ENTREP1: variants seen among roughly 807,000 people sequenced by gnomAD.
The protein encoded by ENTREP1 is Friedreich ataxia region gene X123.
the ENTREP1 span, among the ~76,000 whole-genome samples, chr9:69,368,095 G>C: frequency 6.6e-6 from 1 of 151,614 alleles, no homozygotes; most frequent in Non-Finnish European, 1.5e-5. Context: ...AGTCTTTTGG[G>C]GGAGTCTTTA....
At chr9:69,388,471 A>G in the ENTREP1 span, 1 of 1,542,932 alleles carries the variant, frequency 6.5e-7, no homozygotes, top group Admixed American at 1.9e-5. Context: ...TATTAATCTC[A>G]GGCATGAATC....
At chr9:69,388,511 G>A in the ENTREP1 span, 3 of 1,307,848 alleles carry the variant, frequency 2.3e-6, no homozygotes, top group Non-Finnish European at 3.1e-6. Flanking sequence ...CAGCTAAAGT[G>A]GCTTCTCCGC....
the ENTREP1 span, chr9:69,325,198 C>A: frequency 3.9e-6 from 4 of 1,027,106 alleles, no homozygotes; most frequent in African/African-American, 6.9e-5. Context: ...TCCCCCTCGG[C>A]CTCGGAGCCC....
the ENTREP1 span, among the ~76,000 whole-genome samples, chr9:69,367,198 C>G: frequency 4.0e-5 from 6 of 149,246 alleles, no homozygotes; most frequent in African/African-American, 1.5e-4. Flanking sequence ...TCCTAAGGTG[C>G]TGGGATTACA....
the ENTREP1 span, chr9:69,325,123 C>T: frequency 1.0e-6 from 1 of 985,382 alleles, no homozygotes; most frequent in Middle Eastern, 5.2e-4. Context: ...GTGGGTGCGG[C>T]CGGCTGGAGC....
the ENTREP1 span, chr9:69,325,793 A>G: frequency 2.2e-5 from 27 of 1,211,144 alleles, no homozygotes; most frequent in Middle Eastern, 3.2e-4. Context: ...GTTCCTCTCC[A>G]TTGCCCCTTT....
chr9:69,386,148 G>T, the ENTREP1 span: 2 of 422,722 alleles, frequency 4.7e-6, no homozygotes, highest in Non-Finnish European at 3.9e-6. Flanking sequence ...GGATGGTAGG[G>T]TTTTTTTGTT....
the ENTREP1 span, among the ~76,000 whole-genome samples, chr9:69,376,120 A>G: frequency 2.0e-5 from 3 of 152,224 alleles, no homozygotes; most frequent in Non-Finnish European, 4.4e-5. Context: ...GCCTGACTAT[A>G]TATATGTATA....
the ENTREP1 span, among the ~76,000 whole-genome samples, chr9:69,389,737 G>C: frequency 5.9e-5 from 9 of 152,214 alleles, no homozygotes; most frequent in Non-Finnish European, 1.3e-4. Flanking sequence ...ACCAGGTAGT[G>C]GGCCTGGACC....
At chr9:69,333,928 C>T in the ENTREP1 span, among the ~76,000 whole-genome samples, 1 of 152,176 alleles carries the variant, frequency 6.6e-6, no homozygotes, top group Non-Finnish European at 1.5e-5. Flanking sequence ...CACAAGCATA[C>T]GTGCCTACAC....
the ENTREP1 span, chr9:69,391,728 C>G: frequency 6.2e-7 from 1 of 1,613,970 alleles, no homozygotes; most frequent in Non-Finnish European, 8.5e-7. Context: ...AGGCCCCGAG[C>G]CGAGAGGAGG....
chr9:69,324,812 G>T, the ENTREP1 span: 4 of 985,134 alleles, frequency 4.1e-6, no homozygotes, highest in Admixed American at 6.2e-5. Context: ...CCTCTCTCGT[G>T]GCTGGACAGA....
At chr9:69,372,187 T>C in the ENTREP1 span, among the ~76,000 whole-genome samples, 5 of 152,328 alleles carry the variant, frequency 3.3e-5, no homozygotes, top group South Asian at 1.0e-3. Context: ...ATAAATTTTA[T>C]TGTGGTAAAA....
the ENTREP1 span, among the ~76,000 whole-genome samples, chr9:69,371,013 C>T: frequency 6.6e-6 from 1 of 151,954 alleles, no homozygotes; most frequent in Non-Finnish European, 1.5e-5. Context: ...TCTTTAGTAC[C>T]TAAAGTGTTC....
At chr9:69,379,220 G>T in the ENTREP1 span, among the ~76,000 whole-genome samples, 17 of 152,320 alleles carry the variant, frequency 1.1e-4, no homozygotes, top group African/African-American at 4.1e-4. Flanking sequence ...AATGTCCAGG[G>T]TGATGGTATG....
chr9:69,359,698 A>G, the ENTREP1 span, among the ~76,000 whole-genome samples: 2 of 152,210 alleles, frequency 1.3e-5, no homozygotes, highest in African/African-American at 4.8e-5. Context: ...AAAATGGACT[A>G]ACACAGATGG....
the ENTREP1 span, chr9:69,384,106 C>T: frequency 6.5e-6 from 7 of 1,083,748 alleles, no homozygotes; most frequent in Middle Eastern, 2.7e-4. Flanking sequence ...CTCTGTAATC[C>T]CAGCACTTTG....
chr9:69,330,387 A>G, the ENTREP1 span, among the ~76,000 whole-genome samples: 1 of 152,054 alleles, frequency 6.6e-6, no homozygotes, highest in East Asian at 1.9e-4. Context: ...TGAGTGCCCT[A>G]TTATTCTTTA....
the ENTREP1 span, among the ~76,000 whole-genome samples, chr9:69,367,888 T>TATATATACAC: frequency 0.087 from 12,189 of 140,260 alleles, 809 homozygotes; most frequent in Non-Finnish European, 0.096. Context: ...TATATACACA[T>TATATATACAC]ATATATATAC....
Sources: gnomAD v4.1 joint callset for allele counts (sites outside exome capture counted in the v4.1 genomes callset) on GRCh38, gnomAD v4.1.1 for gene constraint, MANE v1.5 for transcripts, NCBI Gene and HGNC (gene_info 2026-07-23, HGNC 2026-07-21) for gene names.